SNTN: variants seen among roughly 807,000 people sequenced by gnomAD.
The protein encoded by SNTN is sentan, cilia apical structure protein, also known as sentan.
Under a neutral mutation model 12.3 loss-of-function variants are expected in SNTN, and 13 were observed. The ratio of observed to expected loss-of-function variants is 1.05; its 90% CI spans 0.69 to 1.67. The LOEUF (loss-of-function observed/expected upper bound fraction) is 1.67, where lower values mean the gene tolerates loss of function less well. SNTN is among the 40% of genes most tolerant of loss of function. SNTN has a pLI of 0.00. For missense variants in SNTN, 189 were observed against 169.8 expected (o/e 1.11, Z -0.63); for synonymous variants, 69 against 58.5 (o/e 1.18, Z -0.82).
At position 63,664,026 on chromosome 3, in the gene SNTN, C is replaced by T. The variant is rs762708802; in HGVS notation, c.375C>T (p.Ile125=). ...AGCTAGATTTTGAAGACTTCATGAT[C>T]TTGCTCTTAAGCATCACTGTCATGT... ...ENKLDFEDFM[I]LLLSITVMSD... is the part of the protein sequence containing the mutation. The change falls in exon 4 of 4, where the codon ATC becomes ATT. Residue 125 remains isoleucine (I), a synonymous_variant. Coordinates refer to ENST00000343837, the MANE Select transcript of SNTN (RefSeq NM_001080537.2). 3.7e-6 allele frequency: 6 copies of T among 1,613,888 alleles called. No homozygotes were observed. The Admixed American group carries it at 8.3e-5, about 22-fold the overall frequency.
Position 63,664,923 on chromosome 3 carries a change from T to A in SNTN, c.*828T>A, listed in dbSNP as rs565426250. ...GTGTGCCACGATGCCAGGCTAATTTTTTTTGTATTTTTAGTGGAGACGGGG... is the reference window on the plus strand; with the variant it reads ...GTGTGCCACGATGCCAGGCTAATTTATTTTGTATTTTTAGTGGAGACGGGG... On this transcript the variant is annotated 3_prime_UTR_variant, in exon 4 of 4. Coordinates refer to ENST00000343837, the MANE Select transcript of SNTN (RefSeq NM_001080537.2). Among the ~76,000 whole-genome samples the A allele has an allele frequency of 6.6e-6, 1 of 152,052 alleles. No homozygotes were observed. The highest frequency in any genetic ancestry group is 2.4e-5 in the African/African-American group (1 of 41,408).
intron 1 of SNTN, among the ~76,000 whole-genome samples, chr3:63,654,233 T>C (rs1700651915): frequency 6.6e-6 from 1 of 152,170 alleles, no homozygotes; most frequent in Non-Finnish European, 1.5e-5. Context: ...GATTCTTAGT[T>C]AGGAAGGCTA....
rs1700722208 is a variant in SNTN, at chr3:63,659,796, T to A, written c.217T>A (p.Ser73Thr). The A allele has an allele frequency of 6.2e-7, 1 of 1,614,034 alleles. No homozygotes were observed. Among genetic ancestry groups the A allele is most frequent in the South Asian group, 1.1e-5 (1 of 91,076 alleles). The change falls in exon 3 of 4, where the codon TCT (serine) becomes ACT (threonine). Residue 73 changes from serine (S) to threonine (T), a missense_variant. Ser to Thr is a moderately conservative substitution (Grantham distance 58, BLOSUM62 1). Transcript: ENST00000343837. ...TALIFRNSSDSDGKLEKAIAK... is the reference protein window; with the variant it reads ...TALIFRNSSDTDGKLEKAIAK... ...TCTGATTTTCAGAAATTCTTCTGACTCTGATGGTAAACTTGAAAAAGCTAT... is the reference window on the plus strand; with the variant it reads ...TCTGATTTTCAGAAATTCTTCTGACACTGATGGTAAACTTGAAAAAGCTAT...
chr3:63,658,032 C>T (rs965782483), intron 2 of SNTN, among the ~76,000 whole-genome samples: 1 of 152,142 alleles, frequency 6.6e-6, no homozygotes, highest in South Asian at 2.1e-4. Context: ...TGAAGAAAAT[C>T]CTGATTCCTT....
intron 3 of SNTN, among the ~76,000 whole-genome samples, chr3:63,663,156 CA>C (rs1369980911): frequency 1.3e-5 from 2 of 151,890 alleles, no homozygotes; most frequent in African/African-American, 4.8e-5. Flanking sequence ...TATGTGTGTT[CA>C]AAAAAAGGCA....
Position 63,652,793 on chromosome 3 carries a change from A to G in SNTN, c.106A>G (p.Lys36Glu). ...CACCTGCGCACCTAGGAAAATGCCCAAAAGGTCAGTGGCACTTGGCTGTCT... is the reference window on the plus strand; with the variant it reads ...CACCTGCGCACCTAGGAAAATGCCCGAAAGGTCAGTGGCACTTGGCTGTCT... ...TSTCAPRKMP[K>E]RISISKQLAS... Residue 36 changes from lysine to glutamate, a missense_variant, in exon 1 of 4, where the codon AAA (lysine) becomes GAA (glutamate). Lys to Glu is a moderately conservative substitution (Grantham distance 56). Coordinates refer to ENST00000343837, the MANE Select transcript of SNTN (RefSeq NM_001080537.2). 1.2e-6 allele frequency: 2 copies of G among 1,613,684 alleles called. No homozygotes were observed. The highest frequency in any genetic ancestry group is 1.7e-6 in the Non-Finnish European group (2 of 1,179,670).
In SNTN at chr3:63,659,721, C is replaced by T; in HGVS notation, c.146-4C>T. On this transcript the variant is annotated splice_region_variant and splice_polypyrimidine_tract_variant and intron_variant, in intron 2 of 3. Coordinates refer to ENST00000343837, the MANE Select transcript of SNTN (RefSeq NM_001080537.2). ...TACTTTATTCCACATTTCTTCTCTC[C>T]TAGCTCTGAGGAAGTGCTCAGATCT... 5 of 1,613,890 alleles carry T rather than the reference C, an allele frequency of 3.1e-6. No homozygotes were observed. Among genetic ancestry groups the T allele is most frequent in the Non-Finnish European group, 4.2e-6 (5 of 1,179,858 alleles).
chr3:63,654,855 T>A (rs1700659402), intron 2 of SNTN, 59 bp downstream of exon 2: 3 of 1,485,752 alleles, frequency 2.0e-6, no homozygotes, highest in South Asian at 1.2e-5. Flanking sequence ...GCATGCCAAG[T>A]GTTAAAAAAA....
chr3:63,654,276 G>T (rs1327184528), intron 1 of SNTN, among the ~76,000 whole-genome samples: 1 of 152,190 alleles, frequency 6.6e-6, no homozygotes, highest in Non-Finnish European at 1.5e-5. Flanking sequence ...CAAAGTCTGA[G>T]CATTTTACAG....
chr3:63,663,698 T>TC (rs1700767553), intron 3 of SNTN: 1 of 632,238 alleles, frequency 1.6e-6, no homozygotes, highest in African/African-American at 1.8e-5. Flanking sequence ...ATACACCAGC[T>TC]CCCCTTCACC....
chr3:63,659,564 A>T (rs576479002), intron 2 of SNTN, among the ~76,000 whole-genome samples, 161 bp from the exon 3 acceptor site: 25 of 152,288 alleles, frequency 1.6e-4, no homozygotes, highest in African/African-American at 5.8e-4. Flanking sequence ...CGGTTGTTTA[A>T]AGATGCAGGA....
At chr3:63,662,310 T>C (rs1700751201) in intron 3 of SNTN, among the ~76,000 whole-genome samples, 1 of 152,220 alleles carries the variant, frequency 6.6e-6, no homozygotes, top group African/African-American at 2.4e-5. Flanking sequence ...TAAACTGAGC[T>C]GGTTCTTTTG....
At chr3:63,661,860 A>C (rs1700746853) in intron 3 of SNTN, among the ~76,000 whole-genome samples, 1 of 152,168 alleles carries the variant, frequency 6.6e-6, no homozygotes, top group African/African-American at 2.4e-5. Flanking sequence ...ATGCTCAGCA[A>C]GCTTTTAACA....
chr3:63,664,288 G>T lies in SNTN; in HGVS notation c.*193G>T, dbSNP rs1700777706. 1.8e-6 allele frequency: 1 copy of T among 551,642 alleles called. No individual in the cohort carries two copies. The highest frequency in any genetic ancestry group is 3.1e-6 in the Non-Finnish European group (1 of 321,274). The allele number at this position is 551,642 out of a possible 1,614,324, so 34.2% of individuals were successfully genotyped here. ...ACTTCAAGAATGTTTGAATGATAAG[G>T]TCTCTGTGTGCTTTACAATAGGATA... On this transcript the variant is annotated 3_prime_UTR_variant, in exon 4 of 4. Transcript: ENST00000343837.
chr3:63,657,174 A>T (rs1173848470), intron 2 of SNTN, among the ~76,000 whole-genome samples: 1 of 152,152 alleles, frequency 6.6e-6, no homozygotes, highest in Admixed American at 6.6e-5. Context: ...TACTTGTTGG[A>T]TGGATAGAGT....
chr3:63,659,886 A>G, intron 3 of SNTN, 22 bp downstream of exon 3: 1 of 1,613,358 alleles, frequency 6.2e-7, no homozygotes, highest in Admixed American at 1.7e-5. Flanking sequence ...AACTTGCATA[A>G]AGAAACAGAA....
chr3:63,658,401 AAT>A lies in SNTN; in HGVS notation c.146-1301_146-1300del, dbSNP rs58847521. The stretch of plus-strand genomic sequence containing the variant: ...CTTGCCTCATACATCACAAGTTGTA[AAT>A]ATATATATATATATATATATATGTA... On this transcript the variant is annotated intron_variant, in intron 2 of 3. Transcript: ENST00000343837. Among the ~76,000 whole-genome samples, 580 of 123,092 alleles carry A rather than the reference AAT, an allele frequency of 4.7e-3. 4 individuals are homozygous for A. Among genetic ancestry groups the A allele is most frequent in the South Asian group, 9.2e-3 (29 of 3,146 alleles). The allele number at this position is 123,092 out of a possible 152,430, so 80.8% of individuals were successfully genotyped here.
At chr3:63,658,106 C>T (rs1461934462) in intron 2 of SNTN, among the ~76,000 whole-genome samples, 1 of 152,120 alleles carries the variant, frequency 6.6e-6, no homozygotes, top group African/African-American at 2.4e-5. Context: ...AGCCCCTAGA[C>T]TCTACTCACA....
intron 1 of SNTN, among the ~76,000 whole-genome samples, chr3:63,653,799 T>G (rs1458499356): frequency 6.6e-6 from 1 of 152,354 alleles, no homozygotes; most frequent in East Asian, 1.9e-4. Flanking sequence ...TCTGATCATG[T>G]GATTCCTGTT....
Sources: gnomAD v4.1 joint callset for allele counts (sites outside exome capture counted in the v4.1 genomes callset) on GRCh38, gnomAD v4.1.1 for gene constraint, MANE v1.5 for transcripts, NCBI Gene and HGNC (gene_info 2026-07-23, HGNC 2026-07-21) for gene names.